The following EFCAB5 variants were observed in gnomAD, a reference collection of about 807,000 sequenced individuals.
EFCAB5 encodes EF-hand calcium-binding domain-containing protein 5.
Under a neutral mutation model 167.9 loss-of-function variants are expected in EFCAB5, and 131 were observed. That is an observed-to-expected ratio of 0.78 (90% confidence interval 0.68 to 0.90). The LOEUF is 0.90. Ranked by LOEUF, EFCAB5 falls within the 40% of genes least tolerant of loss-of-function variation. The pLI, the probability that EFCAB5 is intolerant of heterozygous loss-of-function variation, is 0.00. For missense variants in EFCAB5, 1,663 were observed against 1,745.2 expected (o/e 0.95, Z 0.84); for synonymous variants, 574 against 602.8 (o/e 0.95, Z 0.70).
intron 22 of EFCAB5, among the ~76,000 whole-genome samples, chr17:30,094,507 CAA>C (rs57885339): frequency 0.085 from 3,460 of 40,528 alleles, 209 homozygotes; most frequent in African/African-American, 0.2. Flanking sequence ...CTTGTCTCTC[CAA>C]AAAAAAAAAA....
chr17:30,100,373 G>A (rs1597576642), intron 22 of EFCAB5, among the ~76,000 whole-genome samples: 1 of 152,278 alleles, frequency 6.6e-6, no homozygotes, highest in East Asian at 1.9e-4. Flanking sequence ...TAAGTGCTAT[G>A]GGGGAAAAAG....
chr17:29,951,778 G>GA (rs1206134310), intron 3 of EFCAB5, among the ~76,000 whole-genome samples: 1 of 152,062 alleles, frequency 6.6e-6, no homozygotes, highest in East Asian at 1.9e-4. Context: ...AACAGTACAA[G>GA]GGGCTTAGAG....
chr17:29,961,351 A>G (rs540237011), intron 3 of EFCAB5, among the ~76,000 whole-genome samples: 1 of 152,240 alleles, frequency 6.6e-6, no homozygotes, highest in South Asian at 2.1e-4. Context: ...TATATTCTGA[A>G]TATTAATTCC....
In EFCAB5 at chr17:30,069,673, C is replaced by T. The variant is rs1015797535; in HGVS notation, c.2738-8542C>T. On this transcript the variant is annotated intron_variant, in intron 14 of 22. Transcript: ENST00000394835. ...GGCCCAGCACGAGAGTCTGCATGGG[C>T]GCTCACAGGCTGTGTACTCTCATGT... The T allele has an allele frequency of 1.9e-5, 27 of 1,454,752 alleles. No homozygotes were observed. The Middle Eastern group carries it at 5.7e-4, about 31-fold the overall frequency. The allele number at this position is 1,454,752 out of a possible 1,614,324, so 90.1% of individuals were successfully genotyped here. A position where few individuals can be genotyped will look rare whatever the true frequency, so the allele number is the denominator to read the frequency against.
chr17:30,011,754 A>C lies in EFCAB5; in HGVS notation c.1044+11778A>C, dbSNP rs1217419556. Among the ~76,000 whole-genome samples the C allele has an allele frequency of 4.6e-5, 7 of 152,322 alleles. No individual in the cohort carries two copies. In the South Asian group the frequency reaches 1.4e-3, roughly 32 times the overall value. ...ATATACAATCGTGTCATCTGCAAAC[A>C]GGGACTATTTGACTTCCTCTTTTCC... On this transcript the variant is annotated intron_variant, in intron 7 of 22. Transcript: ENST00000394835.
At chr17:29,953,091 G>A (rs1358525089) in intron 3 of EFCAB5, among the ~76,000 whole-genome samples, 1 of 152,132 alleles carries the variant, frequency 6.6e-6, no homozygotes, top group Non-Finnish European at 1.5e-5. Flanking sequence ...AAGAAAGGAA[G>A]TCAAACTATC....
At chr17:30,087,272 T>G in intron 19 of EFCAB5, 106 bp downstream of exon 19, 3 of 797,398 alleles carry the variant, frequency 3.8e-6, no homozygotes, top group Non-Finnish European at 5.9e-6. Context: ...CGCTGACTTT[T>G]ATTCTTTCTT....
intron 22 of EFCAB5, among the ~76,000 whole-genome samples, chr17:30,097,720 G>A (rs1371926398): frequency 6.6e-6 from 1 of 152,212 alleles, no homozygotes; most frequent in Non-Finnish European, 1.5e-5. Flanking sequence ...GCTGAGGATT[G>A]TAGCATATTT....
chr17:30,060,624 T>G (rs890996081), intron 14 of EFCAB5, among the ~76,000 whole-genome samples: 3 of 152,224 alleles, frequency 2.0e-5, no homozygotes, highest in African/African-American at 7.2e-5. Flanking sequence ...ATCATTGTAT[T>G]GGTTGAGCGT....
At chr17:29,948,788 AT>A (rs1056290769) in intron 3 of EFCAB5, among the ~76,000 whole-genome samples, 1 of 152,076 alleles carries the variant, frequency 6.6e-6, no homozygotes, top group African/African-American at 2.4e-5. Context: ...CATTTTGAGA[AT>A]TTTTTTTAAC....
chr17:30,041,179 A>G (rs2069760195), intron 8 of EFCAB5, among the ~76,000 whole-genome samples: 1 of 146,458 alleles, frequency 6.8e-6, no homozygotes, highest in South Asian at 2.1e-4. Context: ...TGACAGATCG[A>G]AAGAAAGGAA....
intron 7 of EFCAB5, among the ~76,000 whole-genome samples, chr17:30,001,587 A>G (rs1324633822): frequency 1.3e-5 from 2 of 152,228 alleles, no homozygotes; most frequent in African/African-American, 2.4e-5. Flanking sequence ...CCTGGGCAAC[A>G]TAGTGAGACC....
rs186346315 is a variant in EFCAB5, at chr17:30,098,629, T to C, written c.4321+5693T>C. Among the ~76,000 whole-genome samples, 163 of 152,272 alleles carry C rather than the reference T, an allele frequency of 1.1e-3. 2 individuals carry two copies. The highest frequency in any genetic ancestry group is 0.01 in the Admixed American group (159 of 15,300). ...TGCTGCCACCACACCTGGCTTTCCATTGTCTTTTTTAAAAACTGAGACATA... is the reference window on the plus strand; with the variant it reads ...TGCTGCCACCACACCTGGCTTTCCACTGTCTTTTTTAAAAACTGAGACATA... On this transcript the variant is annotated intron_variant, in intron 22 of 22. Coordinates refer to ENST00000394835, the MANE Select transcript of EFCAB5 (RefSeq NM_198529.4).
chr17:30,059,581 C>A lies in EFCAB5; in HGVS notation c.2617C>A (p.Leu873Ile). ...TGCTTTCCAAGTCCGACAGAGGCTT[C>A]TCCTAGAAGCCATCTTTCAGAAGTG... is the stretch of plus-strand genomic sequence containing the variant. ...QNAFQVRQRL[L>I]LEAIFQKWDS... is the part of the protein sequence containing the mutation. The change falls in exon 14 of 23, where the codon CTC becomes ATC. Residue 873 changes from leucine to isoleucine, a missense_variant. Transcript: ENST00000394835. 1 of 1,609,864 alleles carries A rather than the reference C, an allele frequency of 6.2e-7. No homozygotes were observed. Among genetic ancestry groups the A allele is most frequent in the Non-Finnish European group, 8.5e-7 (1 of 1,177,622 alleles).
chr17:30,050,074 C>G (rs1043651076), intron 8 of EFCAB5, among the ~76,000 whole-genome samples: 4 of 151,386 alleles, frequency 2.6e-5, no homozygotes, highest in African/African-American at 9.7e-5. Flanking sequence ...TGAATTAGAT[C>G]TCAATGTTGA....
intron 3 of EFCAB5, among the ~76,000 whole-genome samples, chr17:29,957,274 C>T (rs1465608526): frequency 6.6e-6 from 1 of 151,958 alleles, no homozygotes; most frequent in Non-Finnish European, 1.5e-5. Context: ...ATATATTGAA[C>T]CATCTTTGCA....
Position 29,999,981 on chromosome 17 carries a change from G to GA in EFCAB5, c.1044+6dup. ...AACAAAATGGAATTTACAGAAGTAA[G>GA]AGTTACATTATTTAATGTTTGAATT... is the stretch of plus-strand genomic sequence containing the variant. On this transcript the variant is annotated splice_donor_region_variant and intron_variant, in intron 7 of 22. Coordinates refer to ENST00000394835, the MANE Select transcript of EFCAB5 (RefSeq NM_198529.4). 1 of 1,548,076 alleles carries GA rather than the reference G, an allele frequency of 6.5e-7. No homozygotes were observed. Among genetic ancestry groups the GA allele is most frequent in the African/African-American group, 1.4e-5 (1 of 73,460 alleles).
At chr17:29,972,776 C>T in intron 4 of EFCAB5, 1 of 224,198 alleles carries the variant, frequency 4.5e-6, no homozygotes, top group Non-Finnish European at 9.4e-6. Flanking sequence ...GCGAAGGAAG[C>T]CCCTCTACCC....
At chr17:30,010,130 A>G (rs2068863984) in intron 7 of EFCAB5, among the ~76,000 whole-genome samples, 1 of 152,014 alleles carries the variant, frequency 6.6e-6, no homozygotes, top group African/African-American at 2.4e-5. Context: ...TACAAAGGAC[A>G]TGAGCTCATC....
Sources: allele counts gnomAD v4.1 joint callset (sites outside exome capture counted in the v4.1 genomes callset), GRCh38; gene constraint gnomAD v4.1.1; transcripts MANE v1.5; gene names NCBI Gene and HGNC (gene_info 2026-07-23, HGNC 2026-07-21).